NR1H4: variants seen among roughly 807,000 people sequenced by gnomAD.
The protein encoded by NR1H4 is nuclear receptor subfamily 1 group H member 4, also known as bile acid receptor.
NR1H4 carries 23 observed loss-of-function variants against 58.5 expected under a neutral mutation model. The ratio of observed to expected loss-of-function variants is 0.39; its 90% CI spans 0.28 to 0.56. NR1H4 has a LOEUF of 0.56. Among genes scored for constraint, NR1H4 ranks in the 20% least tolerant of loss-of-function variants. The pLI, the probability that NR1H4 is intolerant of heterozygous loss-of-function variation, is 0.58. For synonymous variants in NR1H4, 214 were observed against 198.0 expected (o/e 1.08, Z -0.68); for missense variants, 487 against 576.9 (o/e 0.84, Z 1.60).
At chr12:100,507,301 A>T (rs191360213) in intron 3 of NR1H4, among the ~76,000 whole-genome samples, 1 of 152,240 alleles carries the variant, frequency 6.6e-6, no homozygotes, top group Admixed American at 6.5e-5. Flanking sequence ...TTTGGTGATG[A>T]AATAGATCAG....
chr12:100,563,687 G>A lies in NR1H4; in HGVS notation c.*198G>A. On this transcript the variant is annotated 3_prime_UTR_variant, in exon 11 of 11. Coordinates refer to ENST00000392986, the MANE Select transcript of NR1H4 (RefSeq NM_001206979.2). ...CTTTCTCTACATTGTGTTTTAAAAG[G>A]CTCCAGGGAATCCTGCATTCTAATT... 1 of 577,898 alleles carries A rather than the reference G, an allele frequency of 1.7e-6. No homozygotes were observed. The highest frequency in any genetic ancestry group is 3.2e-5 in the Admixed American group (1 of 31,704). The allele number at this position is 577,898 out of a possible 1,614,324, so 35.8% of individuals were successfully genotyped here.
At chr12:100,525,099 T>G (rs868107484) in intron 4 of NR1H4, 55 of 152,306 alleles carry the variant, frequency 3.6e-4, no homozygotes, top group African/African-American at 1.2e-3. Flanking sequence ...TCTTGAGATA[T>G]CTCCAAAGCA....
At chr12:100,561,347 G>A (rs1955468637) in intron 9 of NR1H4, among the ~76,000 whole-genome samples, 1 of 152,088 alleles carries the variant, frequency 6.6e-6, no homozygotes, top group Admixed American at 6.5e-5. Context: ...GCTGTAAGCC[G>A]AGATCACGCC....
At chr12:100,552,774 C>T (rs1955231537) in intron 9 of NR1H4, among the ~76,000 whole-genome samples, 1 of 152,068 alleles carries the variant, frequency 6.6e-6, no homozygotes, top group African/African-American at 2.4e-5. Flanking sequence ...AATAAAATGT[C>T]TGGATGTGGT....
At chr12:100,483,466 G>A (rs1485276899) in intron 1 of NR1H4, among the ~76,000 whole-genome samples, 1 of 152,126 alleles carries the variant, frequency 6.6e-6, no homozygotes, top group Non-Finnish European at 1.5e-5. Flanking sequence ...ATAGAGCACT[G>A]TCTTCAGAAT....
intron 9 of NR1H4, among the ~76,000 whole-genome samples, chr12:100,541,665 C>T (rs1460144165): frequency 6.6e-6 from 1 of 151,236 alleles, no homozygotes; most frequent in African/African-American, 2.4e-5. Flanking sequence ...CAGTGGCATG[C>T]TCTTGGCTCA....
In NR1H4 at chr12:100,511,068, G is replaced by T; in HGVS notation, c.370G>T (p.Asp124Tyr). 6.2e-7 allele frequency: 1 copy of T among 1,614,268 alleles called. No homozygotes were observed. The highest frequency in any genetic ancestry group is 1.1e-5 in the South Asian group (1 of 91,086). Residue 124 changes from aspartate to tyrosine, a missense_variant, in exon 4 of 11, where the codon GAT becomes TAT. Coordinates refer to ENST00000392986, the MANE Select transcript of NR1H4 (RefSeq NM_001206979.2). Reference sequence around the variant, plus strand: ...CGCGTCAGCAGGGAGGATCAAAGGGGATGAGCTGTGTGTTGTTTGTGGAGA... The same window carrying T: ...CGCGTCAGCAGGGAGGATCAAAGGGTATGAGCTGTGTGTTGTTTGTGGAGA... ...MGASAGRIKG[D>Y]ELCVVCGDRA...
At chr12:100,561,033 A>G (rs577024664) in intron 9 of NR1H4, among the ~76,000 whole-genome samples, 2 of 152,216 alleles carry the variant, frequency 1.3e-5, no homozygotes, top group South Asian at 2.1e-4. Flanking sequence ...GTTTGAAGAG[A>G]ACAGCCAATT....
chr12:100,503,322 A>C, intron 3 of NR1H4: 1 of 1,544,164 alleles, frequency 6.5e-7, no homozygotes, highest in Non-Finnish European at 8.7e-7. Flanking sequence ...TCAGTAAACC[A>C]CACAACCTCT....
chr12:100,523,810 C>T (rs999961623), intron 4 of NR1H4, among the ~76,000 whole-genome samples: 3 of 152,078 alleles, frequency 2.0e-5, no homozygotes, highest in Non-Finnish European at 2.9e-5. Flanking sequence ...GTTTGTATGC[C>T]GGAGTCTATT....
At chr12:100,544,637 C>T (rs1955017141) in intron 9 of NR1H4, among the ~76,000 whole-genome samples, 1 of 152,082 alleles carries the variant, frequency 6.6e-6, no homozygotes, top group Non-Finnish European at 1.5e-5. Flanking sequence ...TTATCCCAAG[C>T]ACCTAGCACA....
chr12:100,539,703 G>C (rs11110414), intron 8 of NR1H4, among the ~76,000 whole-genome samples: 26,956 of 152,122 alleles, frequency 0.18, 5,337 homozygotes, highest in African/African-American at 0.47. Flanking sequence ...CAAAAGTAAA[G>C]AAAAACAAGG....
chr12:100,494,694 C>T (rs1047837414), intron 3 of NR1H4, among the ~76,000 whole-genome samples: 9 of 152,262 alleles, frequency 5.9e-5, no homozygotes, highest in African/African-American at 2.2e-4. Context: ...TTGCTTCTGG[C>T]CTGCCTGCCC....
chr12:100,482,843 C>A (rs981328708), intron 1 of NR1H4, among the ~76,000 whole-genome samples: 1 of 152,144 alleles, frequency 6.6e-6, no homozygotes, highest in Non-Finnish European at 1.5e-5. Context: ...TAAAGGTCAG[C>A]TGTTGTTTAG....
intron 4 of NR1H4, among the ~76,000 whole-genome samples, chr12:100,526,507 C>T (rs1340586177): frequency 6.6e-6 from 1 of 152,128 alleles, no homozygotes; most frequent in East Asian, 1.9e-4. Context: ...TTAATCTCTT[C>T]TAAGCTCACA....
At position 100,501,282 on chromosome 12, in the gene NR1H4, C is replaced by T. The variant is rs77171097; in HGVS notation, c.79+7880C>T. 2.5e-3 allele frequency among the ~76,000 whole-genome samples: 385 copies of T among 152,086 alleles called. 1 individual carries two copies. Among genetic ancestry groups the T allele is most frequent in the African/African-American group, 9.0e-3 (374 of 41,474 alleles). ...GTAGCTTTTTCACCTATGACCCTCT[C>T]AGGGAAAGGATAGCTCTGGGATTGT... On this transcript the variant is annotated intron_variant, in intron 3 of 10. Transcript: ENST00000392986.
At chr12:100,489,106 A>G (rs1046475197) in intron 1 of NR1H4, among the ~76,000 whole-genome samples, 1 of 152,220 alleles carries the variant, frequency 6.6e-6, no homozygotes, top group Non-Finnish European at 1.5e-5. Flanking sequence ...AATTAGACAA[A>G]TAATGTATAT....
chr12:100,521,693 A>G (rs1288533785), intron 4 of NR1H4, among the ~76,000 whole-genome samples: 2 of 152,184 alleles, frequency 1.3e-5, no homozygotes, highest in African/African-American at 4.8e-5. Context: ...AAAGCTTCCA[A>G]AAGTATTGAA....
intron 3 of NR1H4, among the ~76,000 whole-genome samples, chr12:100,499,143 T>G (rs1953778720): frequency 6.6e-6 from 1 of 152,204 alleles, no homozygotes; most frequent in Admixed American, 6.5e-5. Context: ...CTTCCAGATG[T>G]TACAGAGTCA....
Sources: allele counts gnomAD v4.1 joint callset (sites outside exome capture counted in the v4.1 genomes callset), GRCh38; gene constraint gnomAD v4.1.1; transcripts MANE v1.5; gene names NCBI Gene and HGNC (gene_info 2026-07-23, HGNC 2026-07-21).